STXBP5L: variants seen among roughly 807,000 people sequenced by gnomAD.
The protein encoded by STXBP5L is syntaxin-binding protein 5-like.
A neutral mutation model predicts 144.5 loss-of-function variants in STXBP5L; 65 were observed. The ratio of observed to expected loss-of-function variants is 0.45; its 90% CI spans 0.37 to 0.55. The LOEUF is 0.55. Among genes scored for constraint, STXBP5L ranks in the 20% least tolerant of loss-of-function variants. The pLI is 0.00. For missense variants in STXBP5L, 1,298 were observed against 1,405.5 expected (o/e 0.92, Z 1.22); for synonymous variants, 505 against 469.6 (o/e 1.08, Z -0.97).
At chr3:121,351,281 G>A (rs999576594) in intron 20 of STXBP5L, among the ~76,000 whole-genome samples, 8 of 152,118 alleles carry the variant, frequency 5.3e-5, no homozygotes, top group African/African-American at 1.4e-4. Context: ...GCGGATATTG[G>A]TGAACAGCAA....
chr3:120,992,391 C>G (rs1048960936), intron 3 of STXBP5L, among the ~76,000 whole-genome samples: 1 of 151,962 alleles, frequency 6.6e-6, no homozygotes, highest in African/African-American at 2.4e-5. Flanking sequence ...GAACATTAGA[C>G]CTCATTCCTT....
At chr3:120,979,578 C>A (rs970641738) in intron 3 of STXBP5L, among the ~76,000 whole-genome samples, 1 of 152,174 alleles carries the variant, frequency 6.6e-6, no homozygotes, top group African/African-American at 2.4e-5. Flanking sequence ...CTGTCTGGCA[C>A]TCCCTAGTGA....
intron 9 of STXBP5L, among the ~76,000 whole-genome samples, chr3:121,191,026 G>A (rs563860613): frequency 6.6e-6 from 1 of 151,940 alleles, no homozygotes; most frequent in Non-Finnish European, 1.5e-5. Flanking sequence ...CGGGATGACT[G>A]CTGGGAAGAG....
chr3:121,152,292 T>C (rs1413335814), intron 7 of STXBP5L, among the ~76,000 whole-genome samples, 185 bp from the exon 8 acceptor site: 3 of 152,112 alleles, frequency 2.0e-5, no homozygotes, highest in Non-Finnish European at 4.4e-5. Context: ...TATTGGTAAG[T>C]GTTCATATTG....
At position 121,299,350 on chromosome 3, in the gene STXBP5L, G is replaced by GT. The variant is rs1179609721; in HGVS notation, c.2111-19119dup. Among the ~76,000 whole-genome samples, 11 of 152,040 alleles carry GT rather than the reference G, an allele frequency of 7.2e-5. 1 individual carries two copies. The highest frequency in any genetic ancestry group is 2.0e-4 in the Admixed American group (3 of 15,268). ...GATAAAGGTTTCATATTCTAAAACT[G>GT]TTTTTTCAGAGACAGTAACATTTAA... On this transcript the variant is annotated intron_variant, in intron 19 of 26. Coordinates refer to ENST00000471454, the MANE Select transcript of STXBP5L (RefSeq NM_001308330.2).
At chr3:121,266,325 T>C (rs139825056) in intron 18 of STXBP5L, among the ~76,000 whole-genome samples, 66 of 152,338 alleles carry the variant, frequency 4.3e-4, no homozygotes, top group Middle Eastern at 6.8e-3. Context: ...TGCTTCAACA[T>C]GTGCAAATCA....
intron 22 of STXBP5L, among the ~76,000 whole-genome samples, chr3:121,400,263 G>A (rs1248618184): frequency 6.6e-6 from 1 of 152,204 alleles, no homozygotes; most frequent in Non-Finnish European, 1.5e-5. Context: ...TTGGGAGAGA[G>A]GCATTCCACT....
chr3:120,972,463 C>CA (rs1482437584), intron 3 of STXBP5L, among the ~76,000 whole-genome samples: 1 of 151,982 alleles, frequency 6.6e-6, no homozygotes, highest in African/African-American at 2.4e-5. Context: ...ATCTAGGAGT[C>CA]TTTTGGAGGA....
In STXBP5L at chr3:121,422,428, G is replaced by A. The variant is rs1255665200; in HGVS notation, c.*3331G>A. ...CTTTTTAGTGTTACAGTAGAAAATGGGCCTTTTCATTTATTCATCTGTGAG... is the reference window on the plus strand; with the variant it reads ...CTTTTTAGTGTTACAGTAGAAAATGAGCCTTTTCATTTATTCATCTGTGAG... On this transcript the variant is annotated 3_prime_UTR_variant, in exon 27 of 27. Coordinates refer to ENST00000471454, the MANE Select transcript of STXBP5L (RefSeq NM_001308330.2). The A allele has an allele frequency of 6.6e-6, 1 of 151,962 alleles. No individual in the cohort carries two copies. The highest frequency in any genetic ancestry group is 2.4e-5 in the African/African-American group (1 of 41,366). The allele number at this position is 151,962 out of a possible 1,614,324, so 9.4% of individuals were successfully genotyped here.
In STXBP5L at chr3:120,951,106, A is replaced by G. The variant is rs548106749; in HGVS notation, c.190-3834A>G. ...GGAAAAACTGGCTAGCCATATGTAG[A>G]AAGCTGAAACTGGATCCCTTCCTTA... On this transcript the variant is annotated intron_variant, in intron 2 of 26. Coordinates refer to ENST00000471454, the MANE Select transcript of STXBP5L (RefSeq NM_001308330.2). Among the ~76,000 whole-genome samples the G allele has an allele frequency of 3.6e-3, 543 of 152,334 alleles. 5 individuals carry two copies. The highest frequency in any genetic ancestry group is 0.011 in the African/African-American group (449 of 41,570).
At chr3:121,411,051 T>C (rs773495937) in intron 23 of STXBP5L, among the ~76,000 whole-genome samples, 5 of 152,122 alleles carry the variant, frequency 3.3e-5, no homozygotes, top group Admixed American at 6.6e-5. Context: ...GACTCATATC[T>C]TAAGGAGCTT....
At chr3:121,180,555 G>T (rs894236137) in intron 9 of STXBP5L, among the ~76,000 whole-genome samples, 1 of 152,168 alleles carries the variant, frequency 6.6e-6, no homozygotes, top group Non-Finnish European at 1.5e-5. Flanking sequence ...ATGTATTTAG[G>T]CAATAACTTA....
intron 5 of STXBP5L, among the ~76,000 whole-genome samples, chr3:121,066,014 T>A (rs2041526723): frequency 6.6e-6 from 1 of 152,048 alleles, no homozygotes; most frequent in Non-Finnish European, 1.5e-5. Flanking sequence ...AGGGTGTGAG[T>A]TTCCTTACAA....
chr3:121,033,618 G>C (rs992128239), intron 3 of STXBP5L, among the ~76,000 whole-genome samples: 1 of 150,452 alleles, frequency 6.6e-6, no homozygotes, highest in Non-Finnish European at 1.5e-5. Context: ...ATAAATTCGT[G>C]TGTTTTTTAT....
rs760132579 is a variant in STXBP5L at position 121,249,650 on chromosome 3, C to CTTA, written c.1401-1071_1401-1070insATT. Among the ~76,000 whole-genome samples the CTTA allele has an allele frequency of 6.6e-5, 10 of 152,174 alleles. No individual in the cohort carries two copies. The East Asian group carries it at 1.5e-3, about 23-fold the overall frequency. On this transcript the variant is annotated intron_variant, in intron 14 of 26. Transcript: ENST00000471454. ...TCTGCAAATACAAACAATTTTATTT[C>CTTA]TTCCCTTTTAGTCTGTATGCCTTTT...
At chr3:120,976,203 T>G (rs1940988679) in intron 3 of STXBP5L, among the ~76,000 whole-genome samples, 2 of 152,206 alleles carry the variant, frequency 1.3e-5, no homozygotes, top group Admixed American at 6.5e-5. Context: ...AAGCTATTGA[T>G]TATTGCCACA....
Position 121,259,118 on chromosome 3 carries a change from T to A in STXBP5L, c.1908T>A (p.Gly636=), listed in dbSNP as rs779444028. The A allele has an allele frequency of 6.2e-7, 1 of 1,604,746 alleles. No homozygotes were observed. Among genetic ancestry groups the A allele is most frequent in the South Asian group, 1.1e-5 (1 of 89,358 alleles). The change falls in exon 18 of 27, where the codon GGT becomes GGA. Residue 636 remains glycine, a synonymous_variant. Coordinates refer to ENST00000471454, the MANE Select transcript of STXBP5L (RefSeq NM_001308330.2). ...ELVIQLVWVD[G]EPPQQITSLA... The stretch of plus-strand genomic sequence containing the variant: ...TTATTCAATTGGTGTGGGTAGATGG[T>A]GAACCTCCACAACAGATTACTAGTC...
At chr3:121,325,029 G>A (rs1436227018) in intron 20 of STXBP5L, among the ~76,000 whole-genome samples, 2 of 151,926 alleles carry the variant, frequency 1.3e-5, no homozygotes, top group Non-Finnish European at 2.9e-5. Context: ...CCTCAAAGAG[G>A]CAATGTTATC....
At chr3:121,027,155 A>G (rs1283184982) in intron 3 of STXBP5L, among the ~76,000 whole-genome samples, 1 of 151,926 alleles carries the variant, frequency 6.6e-6, no homozygotes, top group Non-Finnish European at 1.5e-5. Flanking sequence ...GTATATATCC[A>G]TTGGATTCCT....
Sources: allele counts gnomAD v4.1 joint callset (sites outside exome capture counted in the v4.1 genomes callset), GRCh38; gene constraint gnomAD v4.1.1; transcripts MANE v1.5; gene names NCBI Gene and HGNC (gene_info 2026-07-23, HGNC 2026-07-21).